The following ADARB2 variants were observed in gnomAD, a reference collection of about 807,000 sequenced individuals.
ADARB2 encodes adenosine deaminase RNA specific B2 (inactive), also known as inactive double-stranded RNA-specific editase B2.
ADARB2 carries 25 observed loss-of-function variants against 62.2 expected under a neutral mutation model. The ratio of observed to expected loss-of-function variants is 0.40; its 90% CI spans 0.29 to 0.56. The LOEUF (loss-of-function observed/expected upper bound fraction) is 0.56, where lower values mean the gene tolerates loss of function less well. ADARB2 is among the 20% of genes least tolerant of loss of function. The probability of loss-of-function intolerance (pLI) is 0.43; values close to 1 mark genes in which losing one functional copy is unlikely to be tolerated. For missense variants in ADARB2, 1,071 were observed against 1,077.4 expected (o/e 0.99, Z 0.08); for synonymous variants, 572 against 500.8 (o/e 1.14, Z -1.90).
chr10:1,326,837 CACGGCCCA>C (rs1831856092), intron 3 of ADARB2, among the ~76,000 whole-genome samples: 9 of 65,142 alleles, frequency 1.4e-4, no homozygotes, highest in Non-Finnish European at 2.7e-4. Context: ...AGCGCCTCCC[CACGGCCCA>C]GCGCCTCCCC....
At chr10:1,354,961 C>A (rs1832180572) in intron 3 of ADARB2, among the ~76,000 whole-genome samples, 1 of 152,188 alleles carries the variant, frequency 6.6e-6, no homozygotes, top group Non-Finnish European at 1.5e-5. Context: ...GGCACCAGCC[C>A]AGGAGGGCAG....
chr10:1,627,146 G>A (rs867103116), intron 1 of ADARB2, among the ~76,000 whole-genome samples: 3 of 151,982 alleles, frequency 2.0e-5, no homozygotes, highest in Admixed American at 6.6e-5. Context: ...TTAGCTCCTC[G>A]AGCACCGAGA....
At chr10:1,295,074 G>A (rs936722758) in intron 3 of ADARB2, among the ~76,000 whole-genome samples, 2 of 152,202 alleles carry the variant, frequency 1.3e-5, no homozygotes, top group African/African-American at 2.4e-5. Context: ...TCTTCATTAC[G>A]TGTGTTCCTC....
chr10:1,564,034 T>G lies in ADARB2; in HGVS notation c.100+173017A>C, dbSNP rs939288041. Among the ~76,000 whole-genome samples, 5 of 151,550 alleles carry G rather than the reference T, an allele frequency of 3.3e-5. No homozygotes were observed. In the South Asian group the frequency reaches 6.3e-4, roughly 19 times the overall value. On this transcript the variant is annotated intron_variant, in intron 1 of 9. Transcript: ENST00000381312. Reference sequence around the variant, plus strand: ...TTTTCTTAATCCAGTCTATCATTGTTGGACATTTGGGTTGGTTCCAAGTCT... The same window carrying G: ...TTTTCTTAATCCAGTCTATCATTGTGGGACATTTGGGTTGGTTCCAAGTCT...
chr10:1,473,585 T>C lies in ADARB2; in HGVS notation c.101-94425A>G, dbSNP rs190989417. On this transcript the variant is annotated intron_variant, in intron 1 of 9. Transcript: ENST00000381312. ...TTGTAGAGATGGGGGTCTCACCATGTTACCTAGGCTGCTCTTGAATTCCTG... is the reference window on the plus strand; with the variant it reads ...TTGTAGAGATGGGGGTCTCACCATGCTACCTAGGCTGCTCTTGAATTCCTG... 4.2e-3 allele frequency among the ~76,000 whole-genome samples: 647 copies of C among 152,250 alleles called. 4 individuals carry two copies. Among genetic ancestry groups the C allele is most frequent in the Middle Eastern group, 6.8e-3 (2 of 294 alleles).
At chr10:1,637,456 C>A (rs1833930033) in intron 1 of ADARB2, among the ~76,000 whole-genome samples, 2 of 152,192 alleles carry the variant, frequency 1.3e-5, no homozygotes, top group South Asian at 4.1e-4. Flanking sequence ...AATACACTTT[C>A]TTTTAGAAGA....
At chr10:1,289,954 A>G (rs558509163) in intron 3 of ADARB2, 1 of 152,378 alleles carries the variant, frequency 6.6e-6, no homozygotes, top group African/African-American at 2.4e-5. Context: ...CACGGCATAC[A>G]TAGGCTGGTG....
At chr10:1,262,148 G>T (rs1489854295) in intron 4 of ADARB2, among the ~76,000 whole-genome samples, 10 of 109,790 alleles carry the variant, frequency 9.1e-5, no homozygotes, top group Non-Finnish European at 1.2e-4. Context: ...GTGGTGGGGT[G>T]GGGGGAGGGG....
At chr10:1,571,352 G>T (rs746202621) in intron 1 of ADARB2, among the ~76,000 whole-genome samples, 5 of 151,758 alleles carry the variant, frequency 3.3e-5, no homozygotes, top group Non-Finnish European at 7.4e-5. Flanking sequence ...TATTTGCTTG[G>T]TGCTTGATAC....
chr10:1,480,583 C>T (rs746729137), intron 1 of ADARB2, among the ~76,000 whole-genome samples: 50 of 151,890 alleles, frequency 3.3e-4, no homozygotes, highest in African/African-American at 6.5e-4. Flanking sequence ...CTGTAGTCCC[C>T]GCTACTCAGG....
rs78132414 is a variant in ADARB2, at chr10:1,617,404, C to T, written c.100+119647G>A. ...TTTGTGTGCCCGTCCAGACACACTC[C>T]GCACCACCCTGCTGAGCTCTGCCTC... On this transcript the variant is annotated intron_variant, in intron 1 of 9. Transcript: ENST00000381312. 2.5e-5 allele frequency among the ~76,000 whole-genome samples: 2 copies of T among 79,526 alleles called. 1 individual carries two copies. The highest frequency in any genetic ancestry group is 5.2e-5 in the Non-Finnish European group (2 of 38,628). 52.2% of individuals were successfully genotyped at this position (79,526 alleles called of 152,430 possible).
At chr10:1,639,610 C>T (rs1294375188) in intron 1 of ADARB2, among the ~76,000 whole-genome samples, 1 of 152,128 alleles carries the variant, frequency 6.6e-6, no homozygotes, top group Non-Finnish European at 1.5e-5. Flanking sequence ...TTTGGGAGGC[C>T]AAGGCGAGAA....
At chr10:1,391,790 T>TTTTTA (rs1832573485) in intron 1 of ADARB2, among the ~76,000 whole-genome samples, 2 of 136,654 alleles carry the variant, frequency 1.5e-5, no homozygotes, top group Admixed American at 7.2e-5. Flanking sequence ...TTTTTTTTTT[T>TTTTTA]GTGAGACACA....
chr10:1,682,221 G>A (rs36049668), intron 1 of ADARB2, among the ~76,000 whole-genome samples: 1,612 of 152,156 alleles, frequency 0.011, 18 homozygotes, highest in Non-Finnish European at 0.019. Context: ...AGCACTGGGC[G>A]TCGAAGACCC....
intron 1 of ADARB2, among the ~76,000 whole-genome samples, chr10:1,379,574 G>T (rs1303216329): frequency 1.3e-5 from 2 of 152,196 alleles, no homozygotes; most frequent in Admixed American, 6.5e-5. Flanking sequence ...ATAAAGCCAA[G>T]ACTATCTTTT....
chr10:1,506,443 C>T (rs1831854253), intron 1 of ADARB2, among the ~76,000 whole-genome samples: 1 of 152,208 alleles, frequency 6.6e-6, no homozygotes, highest in African/African-American at 2.4e-5. Flanking sequence ...ATTTGAGGCT[C>T]ATGTTCCCAA....
chr10:1,559,598 G>T (rs902568885), intron 1 of ADARB2, among the ~76,000 whole-genome samples: 2 of 152,168 alleles, frequency 1.3e-5, no homozygotes, highest in African/African-American at 4.8e-5. Flanking sequence ...GACACAAGAC[G>T]GTCAGGAGGA....
chr10:1,321,633 T>C (rs12257087), intron 3 of ADARB2, among the ~76,000 whole-genome samples: 3,623 of 152,236 alleles, frequency 0.024, 171 homozygotes, highest in African/African-American at 0.081. Context: ...AATCCTCTCA[T>C]CTCAGCCTCC....
Position 1,363,234 on chromosome 10 carries a change from G to T in ADARB2, c.871C>A (p.Arg291Ser). ...GCCGGTTCTGCCAGACACACGTAGCGCAGCCCGGCGCGCAGGCGGTTCAGC... is the reference window on the plus strand; with the variant it reads ...GCCGGTTCTGCCAGACACACGTAGCTCAGCCCGGCGCGCAGGCGGTTCAGC... ...VLLNRLRAGL[R>S]YVCLAEPAER... The change falls in exon 3 of 10, where the codon CGC becomes AGC. Residue 291 changes from arginine (R) to serine (S), a missense_variant. Transcript: ENST00000381312. The T allele has an allele frequency of 7.2e-7, 1 of 1,388,178 alleles. No homozygotes were observed. Among genetic ancestry groups the T allele is most frequent in the Non-Finnish European group, 9.4e-7 (1 of 1,068,030 alleles). 86.0% of individuals were successfully genotyped at this position (1,388,178 alleles called of 1,614,324 possible).
Sources: gnomAD v4.1 joint callset for allele counts (sites outside exome capture counted in the v4.1 genomes callset) on GRCh38, gnomAD v4.1.1 for gene constraint, MANE v1.5 for transcripts, NCBI Gene and HGNC (gene_info 2026-07-23, HGNC 2026-07-21) for gene names.